CDH2: variants seen among roughly 807,000 people sequenced by gnomAD.
The protein encoded by CDH2 is cadherin-2.
Under a neutral mutation model 92.0 loss-of-function variants are expected in CDH2, and 17 were observed. The ratio of observed to expected loss-of-function variants is 0.18; its 90% CI spans 0.13 to 0.28. The LOEUF (loss-of-function observed/expected upper bound fraction) is 0.28, where lower values mean the gene tolerates loss of function less well. Ranked by LOEUF, CDH2 falls within the 10% of genes least tolerant of loss-of-function variation. The pLI is 1.00. For missense variants in CDH2, 862 were observed against 1,133.1 expected, an observed-to-expected ratio of 0.76 and a Z score of 3.44; for synonymous variants, 419 against 415.9, an observed-to-expected ratio of 1.01 and a Z score of -0.09.
At chr18:27,991,605 A>G (rs2012418026) in intron 9 of CDH2, among the ~76,000 whole-genome samples, 1 of 152,224 alleles carries the variant, frequency 6.6e-6, no homozygotes, top group South Asian at 2.1e-4. Flanking sequence ...ACATACTGTT[A>G]TCAGCCCCTT....
intron 5 of CDH2, among the ~76,000 whole-genome samples, chr18:28,008,167 T>C (rs1567961730): frequency 6.6e-6 from 1 of 152,212 alleles, no homozygotes; most frequent in Non-Finnish European, 1.5e-5. Flanking sequence ...AAGAGATCCT[T>C]AAGAATTTTA....
At chr18:28,009,336 A>T (rs1489399761) in intron 5 of CDH2, among the ~76,000 whole-genome samples, 1 of 152,174 alleles carries the variant, frequency 6.6e-6, no homozygotes, top group African/African-American at 2.4e-5. Flanking sequence ...ATTCACTTTG[A>T]TTAGAATACT....
intron 6 of CDH2, among the ~76,000 whole-genome samples, chr18:27,943,014 A>C (rs1435775381): frequency 1.2e-4 from 18 of 152,110 alleles, no homozygotes; most frequent in Admixed American, 1.2e-3. Context: ...CCCACCACAC[A>C]CCCACACTTC....
intron 14 of CDH2, 37 bp downstream of exon 14, chr18:27,982,907 A>G (rs1244967825): frequency 1.4e-6 from 2 of 1,436,182 alleles, no homozygotes; most frequent in Admixed American, 2.1e-5. Flanking sequence ...TTATACGATC[A>G]TAAAATTTAT....
intron 14 of CDH2, among the ~76,000 whole-genome samples, chr18:27,971,311 T>C (rs1017274893): frequency 3.3e-5 from 5 of 150,166 alleles, no homozygotes; most frequent in African/African-American, 1.2e-4. Flanking sequence ...GTCAGTTCTT[T>C]TTTTTTTTTT....
rs77226638 is a variant in CDH2 at position 28,147,755 on chromosome 18, T to C, written c.90A>G (p.Ala30=). The C allele has an allele frequency of 3.0e-4, 477 of 1,610,984 alleles. 1 individual carries two copies. In the African/African-American group the frequency reaches 5.6e-3, roughly 19 times the overall value. Residue 30 remains alanine (A), a synonymous_variant, in exon 2 of 16, where the codon GCA becomes GCG. Coordinates refer to ENST00000269141, the MANE Select transcript of CDH2 (RefSeq NM_001792.5). ...QASVEASGEI[A]LCKTGFPEDV... is the part of the protein sequence containing the mutation. ...CTTCAGGAAATCCAGTCTTGCATAA[T>C]GCGATTTCACCAGAAGCCTCTACAG...
chr18:28,093,756 T>A (rs186791301), intron 2 of CDH2, among the ~76,000 whole-genome samples: 68 of 152,304 alleles, frequency 4.5e-4, no homozygotes, highest in Non-Finnish European at 1.0e-4. Flanking sequence ...AAACTAAAAC[T>A]TGAAACCTAG....
At chr18:28,146,580 G>C (rs899027397) in intron 2 of CDH2, 7 of 152,086 alleles carry the variant, frequency 4.6e-5, no homozygotes, top group African/African-American at 7.2e-5. Context: ...GCACAGGTGA[G>C]AGCAAATCCT....
At position 28,166,770 on chromosome 18, in the gene CDH2, G is replaced by T. The variant is rs138459598; in HGVS notation, c.60+10193C>A. On this transcript the variant is annotated intron_variant, in intron 1 of 15. Coordinates refer to ENST00000269141, the MANE Select transcript of CDH2 (RefSeq NM_001792.5). ...TTTGAAGCCAACAAATCCTTGGTGG[G>T]CAATTACCTATGGAATTTGATTCCT... Among the ~76,000 whole-genome samples, 380 of 152,200 alleles carry T rather than the reference G, an allele frequency of 2.5e-3. 2 individuals are homozygous for T. The highest frequency in any genetic ancestry group is 7.7e-3 in the African/African-American group (321 of 41,548).
chr18:28,086,761 C>T (rs1342046194), intron 2 of CDH2, among the ~76,000 whole-genome samples: 2 of 152,146 alleles, frequency 1.3e-5, no homozygotes, highest in African/African-American at 4.8e-5. Context: ...ATCCTCTGGT[C>T]TTGCAGAGTT....
chr18:28,012,190 G>C (rs2013120541), intron 3 of CDH2, among the ~76,000 whole-genome samples, 198 bp from the exon 4 acceptor site: 2 of 152,128 alleles, frequency 1.3e-5, no homozygotes, highest in Admixed American at 1.3e-4. Flanking sequence ...CTGTGTATCT[G>C]AAAAATTGAA....
At chr18:27,985,421 A>T in intron 12 of CDH2, 107 bp downstream of exon 12, 1 of 881,678 alleles carries the variant, frequency 1.1e-6, no homozygotes, top group Non-Finnish European at 1.7e-6. Flanking sequence ...AGTAGCTTTT[A>T]AAATATGTAT....
chr18:28,008,744 TAA>T (rs1034143162), intron 5 of CDH2, among the ~76,000 whole-genome samples: 1 of 132,254 alleles, frequency 7.6e-6, no homozygotes, highest in Non-Finnish European at 1.6e-5. Context: ...AAGTATAATA[TAA>T]AAAAAAAAAA....
downstream of CDH2, among the ~76,000 whole-genome samples, chr18:27,949,906 G>T (rs948699567): frequency 3.3e-5 from 5 of 151,822 alleles, no homozygotes; most frequent in Non-Finnish European, 7.4e-5. Context: ...TATGGCCTGT[G>T]AATTGTACAT....
chr18:28,164,027 C>T (rs1384763580), intron 1 of CDH2, among the ~76,000 whole-genome samples: 1 of 152,158 alleles, frequency 6.6e-6, no homozygotes, highest in Non-Finnish European at 1.5e-5. Flanking sequence ...ACTTTATATG[C>T]TTTAATTGTC....
chr18:27,960,059 C>G (rs2011362320), intron 15 of CDH2, among the ~76,000 whole-genome samples: 1 of 136,032 alleles, frequency 7.4e-6, no homozygotes, highest in African/African-American at 2.6e-5. Context: ...AACACACACT[C>G]GTGGATTTAG....
At chr18:28,105,208 G>A (rs1266019235) in intron 2 of CDH2, among the ~76,000 whole-genome samples, 2 of 152,116 alleles carry the variant, frequency 1.3e-5, no homozygotes, top group Non-Finnish European at 2.9e-5. Context: ...GAGAGAGAAA[G>A]TTCATAAATA....
intron 11 of CDH2, 61 bp from the exon 12 acceptor site, chr18:27,985,822 T>C (rs995839100): frequency 1.0e-5 from 10 of 982,968 alleles, no homozygotes; most frequent in African/African-American, 3.3e-5. Context: ...GCCTCAATTA[T>C]GGTGAAATTC....
intron 14 of CDH2, among the ~76,000 whole-genome samples, chr18:27,978,850 C>CTAG (rs2011941847): frequency 6.6e-6 from 1 of 151,716 alleles, no homozygotes; most frequent in African/African-American, 2.4e-5. Context: ...GAGATGTGGT[C>CTAG]TTACTATGTT....
Sources: allele counts gnomAD v4.1 joint callset (sites outside exome capture counted in the v4.1 genomes callset), GRCh38; gene constraint gnomAD v4.1.1; transcripts MANE v1.5; gene names NCBI Gene and HGNC (gene_info 2026-07-23, HGNC 2026-07-21).